Variants in CACNA1G observed in about 807,000 individuals in gnomAD.
The protein encoded by CACNA1G is calcium voltage-gated channel subunit alpha1 G.
A neutral mutation model predicts 219.4 loss-of-function variants in CACNA1G; 67 were observed. The observed-to-expected ratio is 0.31, with a 90% confidence interval of 0.25 to 0.37. The LOEUF is 0.37. Ranked by LOEUF, CACNA1G falls within the 10% of genes least tolerant of loss-of-function variation. The probability of loss-of-function intolerance (pLI) is 1.00; values close to 1 mark genes in which losing one functional copy is unlikely to be tolerated. For synonymous variants in CACNA1G, 1,296 were observed against 1,345.3 expected (o/e 0.96, Z 0.80); for missense variants, 2,380 against 3,231.4 (o/e 0.74, Z 6.39).
chr17:50,588,464 G>C (rs2043454919), intron 9 of CACNA1G, among the ~76,000 whole-genome samples: 1 of 101,182 alleles, frequency 9.9e-6, no homozygotes, highest in South Asian at 3.9e-4. Flanking sequence ...CCCGCTCCCT[G>C]GCAGACCGGA....
Position 50,592,043 on chromosome 17 carries a change from T to C in CACNA1G, c.2861T>C (p.Val954Ala). The change falls in exon 13 of 38, where the codon GTG becomes GCG. Residue 954 changes from valine to alanine, a missense_variant. Transcript: ENST00000359106. ...FIALMTFGNY[V>A]LFNLLVAILV... is the part of the protein sequence containing the mutation. ...GCCCTCATGACCTTCGGCAACTACGTGCTCTTCAATTTGCTGGTCGCCATT... is the reference window on the plus strand; with the variant it reads ...GCCCTCATGACCTTCGGCAACTACGCGCTCTTCAATTTGCTGGTCGCCATT... The C allele has an allele frequency of 6.2e-7, 1 of 1,613,982 alleles. No homozygotes were observed.
At chr17:50,594,567 T>G (rs2045096545) in intron 13 of CACNA1G, among the ~76,000 whole-genome samples, 1 of 152,176 alleles carries the variant, frequency 6.6e-6, no homozygotes, top group Non-Finnish European at 1.5e-5. Context: ...TTACTCTGTA[T>G]GATTTGGGGC....
intron 22 of CACNA1G, 78 bp from the exon 23 acceptor site, chr17:50,605,820 G>C: frequency 2.0e-6 from 3 of 1,530,726 alleles, no homozygotes; most frequent in Non-Finnish European, 1.8e-6. Context: ...CCAGGCTGGC[G>C]TGGGGGTGGG....
intron 22 of CACNA1G, among the ~76,000 whole-genome samples, chr17:50,604,654 G>A (rs1292256049): frequency 6.6e-6 from 1 of 152,246 alleles, no homozygotes; most frequent in Admixed American, 6.5e-5. Flanking sequence ...GGGATCCAGG[G>A]CCCAGACAGC....
chr17:50,624,324 T>TGCCCCCCCCCCCCCCCCCCCTGCCCCC, intron 36 of CACNA1G, 36 bp from the exon 37 acceptor site: 6 of 1,177,650 alleles, frequency 5.1e-6, no homozygotes, highest in Non-Finnish European at 6.1e-6. Context: ...CTCCATTCTC[T>TGCCCCCCCCCCCCCCCCCCCTGCCCCC]CCCCCCACCC....
chr17:50,563,019 T>C (rs1254881973), intron 1 of CACNA1G, among the ~76,000 whole-genome samples: 4 of 152,206 alleles, frequency 2.6e-5, no homozygotes, highest in Non-Finnish European at 5.9e-5. Flanking sequence ...TCAGAGGTTC[T>C]TATAGACCCA....
At chr17:50,587,587 A>C (rs560932273) in intron 9 of CACNA1G, among the ~76,000 whole-genome samples, 1 of 152,306 alleles carries the variant, frequency 6.6e-6, no homozygotes, top group East Asian at 1.9e-4. Flanking sequence ...GGCTCACTGG[A>C]GGGAATACCG....
At chr17:50,602,235 C>T (rs990001344) in intron 19 of CACNA1G, among the ~76,000 whole-genome samples, 2 of 152,240 alleles carry the variant, frequency 1.3e-5, no homozygotes, top group Non-Finnish European at 2.9e-5. Context: ...GTGCTCACAC[C>T]CTGCCCGCCA....
Position 50,621,685 on chromosome 17 carries a change from T to C in CACNA1G, c.5951T>C (p.Leu1984Pro). The change falls in exon 35 of 38, where the codon CTG becomes CCG. Residue 1984 changes from leucine to proline, a missense_variant. Physicochemically the swap from Leu to Pro is moderately conservative, Grantham distance 98 (BLOSUM62 -3). Coordinates refer to ENST00000359106, the MANE Select transcript of CACNA1G (RefSeq NM_018896.5). The surrounding 1 kb of genome is among the most constrained non-coding windows in gnomAD (Gnocchi z 4.6). ...PQIPLAEMEA[L>P]SLTSEIVSEP... ...ATCCCTCTAGCTGAGATGGAGGCTC[T>C]GTCTCTGACGTCAGAGATTGTGTCT... The C allele has an allele frequency of 2.5e-6, 4 of 1,613,996 alleles. No individual in the cohort carries two copies. The highest frequency in any genetic ancestry group is 3.4e-6 in the Non-Finnish European group (4 of 1,179,870).
In CACNA1G at chr17:50,596,503, C is replaced by G; in HGVS notation, c.2980-59C>G. ...GTGTGTGAAGAGAGGGAGGCCCGGT[C>G]CATCCCAACCACCCAAGCCTGGCCG... On this transcript the variant is annotated intron_variant, in intron 14 of 37. Transcript: ENST00000359106. This position sits in a 1 kb window ranked among gnomAD's most constrained non-coding sequence, Gnocchi z 4.8. 2 of 1,401,566 alleles carry G rather than the reference C, an allele frequency of 1.4e-6. No homozygotes were observed. Among genetic ancestry groups the G allele is most frequent in the Non-Finnish European group, 2.0e-6 (2 of 988,074 alleles). 86.8% of individuals were successfully genotyped at this position (1,401,566 alleles called of 1,614,324 possible).
At chr17:50,573,270 T>C (rs1460858830) in intron 7 of CACNA1G, 157 bp downstream of exon 7, 1 of 615,838 alleles carries the variant, frequency 1.6e-6, no homozygotes, top group Non-Finnish European at 2.9e-6. Flanking sequence ...GGACACCAGA[T>C]GCAGAGTCAG....
rs2051042338 is a variant in CACNA1G, at chr17:50,618,503, C to G, written c.5428-152C>G. 6.6e-6 allele frequency among the ~76,000 whole-genome samples: 1 copy of G among 152,144 alleles called. No homozygotes were observed. The highest frequency in any genetic ancestry group is 2.4e-5 in the African/African-American group (1 of 41,412). On this transcript the variant is annotated intron_variant, in intron 32 of 37. Transcript: ENST00000359106. This position sits in a 1 kb window ranked among gnomAD's most constrained non-coding sequence, Gnocchi z 5.3. ...CCTCTCCCAGGAACATGCTCTGACT[C>G]ACACTTGTAGTGCTCCTCTGCCCCC... is the stretch of plus-strand genomic sequence containing the variant.
intron 22 of CACNA1G, among the ~76,000 whole-genome samples, chr17:50,604,714 C>T (rs894193064): frequency 6.6e-6 from 1 of 152,216 alleles, no homozygotes; most frequent in Non-Finnish European, 1.5e-5. Flanking sequence ...AGACCCCAGA[C>T]GAGGCAGGAA....
Position 50,600,583 on chromosome 17 carries a change from A to C in CACNA1G, c.3691-143A>C. ...GGGAGATGAGGAGGTGGCTTTAGGA[A>C]TAAAGGAAGAGAGGCAGGGCAGAGC... On this transcript the variant is annotated intron_variant, in intron 17 of 37. Coordinates refer to ENST00000359106, the MANE Select transcript of CACNA1G (RefSeq NM_018896.5). The surrounding 1 kb of genome is among the most constrained non-coding windows in gnomAD (Gnocchi z 4.1). The C allele has an allele frequency of 1.5e-6, 1 of 684,616 alleles. No homozygotes were observed. Among genetic ancestry groups the C allele is most frequent in the Non-Finnish European group, 2.6e-6 (1 of 385,824 alleles). The allele number at this position is 684,616 out of a possible 1,614,324, so 42.4% of individuals were successfully genotyped here.
chr17:50,582,417 T>C (rs1382082063), intron 9 of CACNA1G, among the ~76,000 whole-genome samples: 2 of 151,990 alleles, frequency 1.3e-5, no homozygotes, highest in African/African-American at 4.8e-5. Flanking sequence ...ACCCAATCAG[T>C]TGGAAACATG....
At chr17:50,590,692 A>C in intron 10 of CACNA1G, 70 bp downstream of exon 10, 1 of 1,458,220 alleles carries the variant, frequency 6.9e-7, no homozygotes, top group Non-Finnish European at 9.4e-7. Context: ...GCCAGGGGCC[A>C]TGCCACCTAT....
chr17:50,561,344 C>G lies in CACNA1G; in HGVS notation c.-116C>G. ...GGCCCTCCCGGGGGCTCAGCTTGCG[C>G]CCTAGAGCCCACCAGATGTGCCCCC... is the stretch of plus-strand genomic sequence containing the variant. On this transcript the variant is annotated 5_prime_UTR_variant, in exon 1 of 38. Transcript: ENST00000359106. The G allele has an allele frequency of 7.3e-7, 1 of 1,363,780 alleles. No homozygotes were observed. The allele number at this position is 1,363,780 out of a possible 1,614,324, so 84.5% of individuals were successfully genotyped here. A position where few individuals can be genotyped will look rare whatever the true frequency, so the allele number is the denominator to read the frequency against.
At chr17:50,623,189 C>G (rs534152724) in intron 35 of CACNA1G, among the ~76,000 whole-genome samples, 1 of 150,032 alleles carries the variant, frequency 6.7e-6, no homozygotes, top group African/African-American at 2.5e-5. Context: ...TTGACCCCCC[C>G]GGCTCAAGCA....
rs2052018599 is a variant in CACNA1G, at chr17:50,621,510, G to A, written c.5926-150G>A. 1.0e-5 allele frequency: 8 copies of A among 799,300 alleles called. No homozygotes were observed. The South Asian group carries it at 1.4e-4, about 14-fold the overall frequency. 49.5% of individuals were successfully genotyped at this position (799,300 alleles called of 1,614,324 possible). A position where few individuals can be genotyped will look rare whatever the true frequency, so the allele number is the denominator to read the frequency against. On this transcript the variant is annotated intron_variant, in intron 34 of 37. Transcript: ENST00000359106. The surrounding 1 kb of genome is among the most constrained non-coding windows in gnomAD (Gnocchi z 4.6). ...CACTGTCAGCTTGTTTGGGGAAAGG[G>A]TGGGGAGAGAGAAGGGATGCCTTTT... is the stretch of plus-strand genomic sequence containing the variant.
Sources: gnomAD v4.1 joint callset for allele counts (sites outside exome capture counted in the v4.1 genomes callset) on GRCh38, gnomAD v4.1.1 for gene constraint, Gnocchi (gnomAD v3.1) non-coding constraint, MANE v1.5 for transcripts, NCBI Gene and HGNC (gene_info 2026-07-23, HGNC 2026-07-21) for gene names.